ZFR2: variants seen among roughly 807,000 people sequenced by gnomAD.
ZFR2 encodes zinc finger RNA-binding protein 2.
In ZFR2, 104 loss-of-function variants were observed where a neutral mutation model predicts 105.7. The observed-to-expected ratio is 0.98, with a 90% CI of 0.84 to 1.16. The LOEUF (loss-of-function observed/expected upper bound fraction) is 1.16, where lower values mean the gene tolerates loss of function less well. ZFR2 is among the 50% of genes most tolerant of loss of function. ZFR2 has a pLI of 0.00. For missense variants in ZFR2, 1,425 were observed against 1,355.5 expected (o/e 1.05, Z -0.80); for synonymous variants, 634 against 597.7 (o/e 1.06, Z -0.89).
At chr19:3,839,359 C>T (rs2038111072) in intron 1 of ZFR2, among the ~76,000 whole-genome samples, 2 of 151,560 alleles carry the variant, frequency 1.3e-5, no homozygotes, top group Admixed American at 1.3e-4. Flanking sequence ...ATGGTGAAAC[C>T]CCGTCTCTAT....
At chr19:3,845,451 A>G (rs920139551) in intron 1 of ZFR2, among the ~76,000 whole-genome samples, 2 of 151,154 alleles carry the variant, frequency 1.3e-5, no homozygotes, top group African/African-American at 4.9e-5. Context: ...GTGCTACCCT[A>G]TCTCTATTAA....
chr19:3,837,784 C>A (rs927417754), intron 1 of ZFR2, among the ~76,000 whole-genome samples: 3 of 150,810 alleles, frequency 2.0e-5, no homozygotes. Context: ...CCGATGGACA[C>A]CTTGACTGTG....
At position 3,828,205 on chromosome 19, in the gene ZFR2, C is replaced by T. The variant is rs139310417; in HGVS notation, c.853-552G>A. Among the ~76,000 whole-genome samples, 1,107 of 149,854 alleles carry T rather than the reference C, an allele frequency of 7.4e-3. 12 individuals carry two copies. Among genetic ancestry groups the T allele is most frequent in the African/African-American group, 0.026 (1,070 of 40,614 alleles). On this transcript the variant is annotated intron_variant, in intron 5 of 18. Coordinates refer to ENST00000262961, the MANE Select transcript of ZFR2 (RefSeq NM_015174.2). ...TGTCACCCAGGCTGGAGTGCAGTGGCGTGATCTCAGCTCACTGCAACCTCC... is the reference window on the plus strand; with the variant it reads ...TGTCACCCAGGCTGGAGTGCAGTGGTGTGATCTCAGCTCACTGCAACCTCC...
chr19:3,832,646 T>G (rs1044755009), intron 3 of ZFR2, among the ~76,000 whole-genome samples: 2 of 151,098 alleles, frequency 1.3e-5, no homozygotes, highest in African/African-American at 4.9e-5. Context: ...TTTTTATTTT[T>G]TATTTTTTAG....
intron 1 of ZFR2, among the ~76,000 whole-genome samples, chr19:3,859,887 TTTTTTC>T (rs1568434299): frequency 6.6e-6 from 1 of 152,204 alleles, no homozygotes; most frequent in African/African-American, 2.4e-5. Flanking sequence ...TGTAACCAGT[TTTTTTC>T]TTTTTCTTTT....
chr19:3,827,727 C>A (rs1372789113), intron 5 of ZFR2, 74 bp from the exon 6 acceptor site: 3 of 1,516,148 alleles, frequency 2.0e-6, no homozygotes, highest in African/African-American at 2.8e-5. Context: ...TGCAGGCCCC[C>A]GGCTTAGCGC....
chr19:3,852,669 G>T (rs12610038), intron 1 of ZFR2: 2 of 681,034 alleles, frequency 2.9e-6, no homozygotes, highest in Non-Finnish European at 5.5e-6. Flanking sequence ...GGTGGATGAA[G>T]GATGAAGGCA....
intron 16 of ZFR2, among the ~76,000 whole-genome samples, chr19:3,810,270 C>T (rs1264789388): frequency 1.3e-5 from 2 of 152,180 alleles, no homozygotes; most frequent in South Asian, 2.1e-4. Flanking sequence ...GGGCATGGGG[C>T]GTGCTCTGTG....
intron 16 of ZFR2, among the ~76,000 whole-genome samples, chr19:3,809,978 A>G (rs956070780): frequency 2.2e-4 from 34 of 152,048 alleles, no homozygotes; most frequent in Non-Finnish European, 1.6e-4. Flanking sequence ...TAAAAAAGAG[A>G]CTTAATCTCT....
In ZFR2 at chr19:3,838,177, T is replaced by C. The variant is rs2038098589; in HGVS notation, c.54-3194A>G. On this transcript the variant is annotated intron_variant, in intron 1 of 18. Coordinates refer to ENST00000262961, the MANE Select transcript of ZFR2 (RefSeq NM_015174.2). The surrounding 1 kb of genome is among the most constrained non-coding windows in gnomAD (Gnocchi z 4.9). ...TGACTGTGACACTCGATGAACACCA[T>C]GACCGTGACACCCGATGAACATCCC... is the stretch of plus-strand genomic sequence containing the variant. 6.6e-6 allele frequency among the ~76,000 whole-genome samples: 1 copy of C among 151,854 alleles called. No homozygotes were observed. Among genetic ancestry groups the C allele is most frequent in the Non-Finnish European group, 1.5e-5 (1 of 67,972 alleles).
intron 1 of ZFR2, among the ~76,000 whole-genome samples, chr19:3,864,266 A>G (rs955377486): frequency 6.6e-6 from 1 of 151,920 alleles, no homozygotes; most frequent in South Asian, 2.1e-4. Context: ...CGTCCCAGCC[A>G]CTCCAGGAAG....
intron 1 of ZFR2, among the ~76,000 whole-genome samples, chr19:3,839,042 A>C (rs891297066): frequency 6.6e-6 from 1 of 152,112 alleles, no homozygotes; most frequent in Non-Finnish European, 1.5e-5. Context: ...CGGCAGCTCT[A>C]CAGAAGGATG....
Position 3,815,204 on chromosome 19 carries a change from C to T in ZFR2, c.2104-1246G>A, listed in dbSNP as rs577000909. On this transcript the variant is annotated intron_variant, in intron 13 of 18. Coordinates refer to ENST00000262961, the MANE Select transcript of ZFR2 (RefSeq NM_015174.2). ...TCCAGGGCTCAAATGGTTCCCCTCC[C>T]TCAGCCTCCTGAGTAGCTGGGATTA... Among the ~76,000 whole-genome samples, 7 of 152,316 alleles carry T rather than the reference C, an allele frequency of 4.6e-5. No individual in the cohort carries two copies. The East Asian group carries it at 1.3e-3, about 29-fold the overall frequency.
At position 3,806,015 on chromosome 19, in the gene ZFR2, A is replaced by T; in HGVS notation, c.2754T>A (p.Pro918=). The T allele has an allele frequency of 6.5e-7, 1 of 1,547,332 alleles. No homozygotes were observed. The highest frequency in any genetic ancestry group is 8.7e-7 in the Non-Finnish European group (1 of 1,147,840). ...GARFRKRQRG[P]GEGEEGAGEK... is the part of the protein sequence containing the mutation. ...CCCCTGCGCCCTCCTCTCCCTCGCC[A>T]GGTCCCCGTTGCCTCTTCCGGAAGC... The change falls in exon 19 of 19, where the codon CCT becomes CCA. Residue 918 remains proline (P), a synonymous_variant. Transcript: ENST00000262961.
In ZFR2 at chr19:3,826,463, CCTTGCT is replaced by C. The variant is rs145991743; in HGVS notation, c.1035+1002_1035+1007del. On this transcript the variant is annotated intron_variant, in intron 6 of 18. Coordinates refer to ENST00000262961, the MANE Select transcript of ZFR2 (RefSeq NM_015174.2). ...TTTTTTTTTTCTTTTGGCGACAGAG[CCTTGCT>C]CTGTCGCCCAGGCTGGAGTGCGGTG... Among the ~76,000 whole-genome samples the C allele has an allele frequency of 9.0e-3, 1,368 of 151,548 alleles. 23 individuals are homozygous for C. Among genetic ancestry groups the C allele is most frequent in the African/African-American group, 0.031 (1,300 of 41,304 alleles).
At chr19:3,865,456 C>G (rs2038417949) in intron 1 of ZFR2, among the ~76,000 whole-genome samples, 1 of 151,836 alleles carries the variant, frequency 6.6e-6, no homozygotes, top group African/African-American at 2.4e-5. Flanking sequence ...CTCAGGTGAT[C>G]CTCCTACCTC....
intron 10 of ZFR2, 62 bp from the exon 11 acceptor site, chr19:3,820,352 G>A (rs2037876732): frequency 1.1e-5 from 16 of 1,450,554 alleles, no homozygotes; most frequent in Non-Finnish European, 1.3e-5. Context: ...CTGGGGGCAA[G>A]TCAGAAACAC....
At chr19:3,810,582 C>T (rs560785450) in intron 16 of ZFR2, among the ~76,000 whole-genome samples, 168 bp downstream of exon 16, 92 of 152,362 alleles carry the variant, frequency 6.0e-4, no homozygotes, top group African/African-American at 2.1e-3. Context: ...TGGAGAGGGC[C>T]GTCTCCCCCG....
In ZFR2 at chr19:3,820,184, G is replaced by T. The variant is rs770740689; in HGVS notation, c.1738C>A (p.Gln580Lys). Residue 580 changes from glutamine to lysine, a missense_variant and splice_region_variant, in exon 11 of 19, where the codon CAG (glutamine) becomes AAG (lysine). By Grantham distance (53) the Gln-to-Lys change is moderately conservative. Transcript: ENST00000262961. ...CACACAGAGGAAACTGTACCTACCT[G>T]GAGTGGGGCGCTGGCGGGTGACTCC... is the stretch of plus-strand genomic sequence containing the variant. ...RPESPASAPL[Q>K]PGRRPASSDD... 6.4e-7 allele frequency: 1 copy of T among 1,552,252 alleles called. No individual in the cohort carries two copies.
Sources: gnomAD v4.1 joint callset for allele counts (sites outside exome capture counted in the v4.1 genomes callset) on GRCh38, gnomAD v4.1.1 for gene constraint, Gnocchi (gnomAD v3.1) non-coding constraint, MANE v1.5 for transcripts, NCBI Gene and HGNC (gene_info 2026-07-23, HGNC 2026-07-21) for gene names.